The following CCDC62 variants were observed in gnomAD, a reference collection of about 807,000 sequenced individuals.
CCDC62 encodes coiled-coil domain containing 62.
In CCDC62, 72 loss-of-function variants were observed where a neutral mutation model predicts 80.8. The observed-to-expected ratio is 0.89, with a 90% CI of 0.74 to 1.08. The LOEUF (loss-of-function observed/expected upper bound fraction) is 1.08, where lower values mean the gene tolerates loss of function less well. Ranked by LOEUF, CCDC62 falls within the 50% of genes least tolerant of loss-of-function variation. CCDC62 has a pLI of 0.00. For missense variants in CCDC62, 704 were observed against 809.4 expected, an observed-to-expected ratio of 0.87 and a Z score of 1.58; for synonymous variants, 286 against 296.5, an observed-to-expected ratio of 0.96 and a Z score of 0.36.
chr12:122,816,216 G>A, intron 11 of CCDC62, among the ~76,000 whole-genome samples: 1 of 152,156 alleles, frequency 6.6e-6, no homozygotes, highest in East Asian at 1.9e-4. Context: ...GTGTTTCCTA[G>A]GAAGATTTCT....
chr12:122,811,782 A>G (rs2135577635), intron 10 of CCDC62, among the ~76,000 whole-genome samples: 1 of 128,196 alleles, frequency 7.8e-6, no homozygotes, highest in Non-Finnish European at 1.6e-5. Flanking sequence ...AGATCACGCC[A>G]CTGCACTCCA....
chr12:122,785,879 C>A, intron 4 of CCDC62, 59 bp downstream of exon 4: 2 of 1,126,378 alleles, frequency 1.8e-6, no homozygotes, highest in South Asian at 1.2e-5. Context: ...TATCCATATT[C>A]ATTATCTTAC....
chr12:122,783,094 G>T (rs985529585), intron 3 of CCDC62, among the ~76,000 whole-genome samples: 2 of 144,282 alleles, frequency 1.4e-5, no homozygotes, highest in South Asian at 4.6e-4. Context: ...GGGAAAGAGC[G>T]AGACTCCTTG....
intron 10 of CCDC62, among the ~76,000 whole-genome samples, chr12:122,809,215 C>T (rs1438792293): frequency 6.6e-6 from 1 of 152,272 alleles, no homozygotes; most frequent in East Asian, 1.9e-4. Context: ...TCAGGCCGGG[C>T]GTGGTGGCTC....
intron 3 of CCDC62, among the ~76,000 whole-genome samples, chr12:122,781,836 A>G (rs839352): frequency 0.98 from 148,597 of 152,042 alleles, 72,646 homozygotes; most frequent in East Asian, 1. Context: ...CCAGGAATTC[A>G]CGACCAGGCT....
intron 9 of CCDC62, among the ~76,000 whole-genome samples, chr12:122,802,288 T>A (rs1484517724): frequency 6.6e-6 from 1 of 152,090 alleles, no homozygotes; most frequent in Non-Finnish European, 1.5e-5. Context: ...AAAATGTCTC[T>A]TGGTGCATTG....
At chr12:122,788,473 C>T (rs767355599) in intron 4 of CCDC62, among the ~76,000 whole-genome samples, 14 of 152,138 alleles carry the variant, frequency 9.2e-5, no homozygotes, top group Non-Finnish European at 1.9e-4. Context: ...GGTAGTGGTT[C>T]AGTACATAGT....
chr12:122,791,162 C>T (rs1445982045), intron 5 of CCDC62, among the ~76,000 whole-genome samples: 3 of 152,050 alleles, frequency 2.0e-5, no homozygotes, highest in African/African-American at 7.2e-5. Flanking sequence ...ATTTTTGAGA[C>T]AGAATTTCAC....
At chr12:122,783,023 A>G (rs546599981) in intron 3 of CCDC62, among the ~76,000 whole-genome samples, 1 of 150,608 alleles carries the variant, frequency 6.6e-6, no homozygotes, top group Admixed American at 6.6e-5. Flanking sequence ...AGGAGAGTCA[A>G]TTGAACCTGA....
intron 11 of CCDC62, among the ~76,000 whole-genome samples, chr12:122,821,492 C>T (rs140363475): frequency 6.6e-6 from 1 of 152,314 alleles, no homozygotes; most frequent in East Asian, 1.9e-4. Context: ...CTCTCTCGCT[C>T]AGGCTAGAGT....
At chr12:122,803,429 G>A (rs896092542) in intron 9 of CCDC62, among the ~76,000 whole-genome samples, 1 of 152,110 alleles carries the variant, frequency 6.6e-6, no homozygotes, top group African/African-American at 2.4e-5. Flanking sequence ...TCTTGTGTGT[G>A]AGTGTCGTCA....
At chr12:122,788,608 CAT>C (rs2030409760) in intron 4 of CCDC62, 148 bp from the exon 5 acceptor site, 1 of 570,074 alleles carries the variant, frequency 1.8e-6, no homozygotes, top group African/African-American at 1.9e-5. Flanking sequence ...GTACCACCCT[CAT>C]AGAGTTACTG....
intron 9 of CCDC62, among the ~76,000 whole-genome samples, chr12:122,803,859 T>G (rs1170550992): frequency 6.6e-6 from 1 of 152,216 alleles, no homozygotes; most frequent in Non-Finnish European, 1.5e-5. Context: ...CAGATAGTTT[T>G]AAGAGCATAG....
chr12:122,784,966 C>G (rs1177428304), intron 3 of CCDC62, among the ~76,000 whole-genome samples: 2 of 152,176 alleles, frequency 1.3e-5, no homozygotes, highest in Non-Finnish European at 2.9e-5. Flanking sequence ...TGGCGAAACC[C>G]TGTTTCTACT....
In CCDC62 at chr12:122,826,641, C is replaced by T. The variant is rs1344558798; in HGVS notation, c.*260C>T. On this transcript the variant is annotated 3_prime_UTR_variant, in exon 13 of 13. Coordinates refer to ENST00000253079, the MANE Select transcript of CCDC62 (RefSeq NM_201435.5). ...GTGTAAGAAAGTAGACCTTATTGTA[C>T]ATATAGAAAGTTGGAATTATGCTAA... 1 of 469,418 alleles carries T rather than the reference C, an allele frequency of 2.1e-6. No individual in the cohort carries two copies. Among genetic ancestry groups the T allele is most frequent in the Non-Finnish European group, 3.7e-6 (1 of 266,726 alleles). The allele number at this position is 469,418 out of a possible 1,614,324, so 29.1% of individuals were successfully genotyped here. A position where few individuals can be genotyped will look rare whatever the true frequency, so the allele number is the denominator to read the frequency against.
chr12:122,786,877 A>G (rs917113352), intron 4 of CCDC62, among the ~76,000 whole-genome samples: 17 of 151,870 alleles, frequency 1.1e-4, no homozygotes, highest in Admixed American at 7.9e-4. Flanking sequence ...GGAAAATGGC[A>G]TGAACCTGGG....
intron 11 of CCDC62, among the ~76,000 whole-genome samples, chr12:122,814,504 A>ATT (rs71440218): frequency 1.5e-4 from 19 of 125,124 alleles, no homozygotes; most frequent in East Asian, 9.1e-4. Flanking sequence ...TGGACTTTTA[A>ATT]TTTTTTTTTT....
At chr12:122,816,380 A>T (rs944722933) in intron 11 of CCDC62, among the ~76,000 whole-genome samples, 2 of 152,134 alleles carry the variant, frequency 1.3e-5, no homozygotes, top group Non-Finnish European at 2.9e-5. Flanking sequence ...GAGAACCTTT[A>T]TGACTTTTCT....
At chr12:122,804,344 G>A (rs145815036) in intron 9 of CCDC62, among the ~76,000 whole-genome samples, 2,509 of 152,238 alleles carry the variant, frequency 0.016, 63 homozygotes, top group African/African-American at 0.057. Flanking sequence ...AAAATGAGCC[G>A]GACGTGGTGG....
Sources: allele counts gnomAD v4.1 joint callset (sites outside exome capture counted in the v4.1 genomes callset), GRCh38; gene constraint gnomAD v4.1.1; transcripts MANE v1.5; gene names NCBI Gene and HGNC (gene_info 2026-07-23, HGNC 2026-07-21).